Variants in ENPP2 observed in about 807,000 individuals in gnomAD.
The protein encoded by ENPP2 is ectonucleotide pyrophosphatase/phosphodiesterase 2, also known as autotaxin.
In ENPP2, 51 loss-of-function variants were observed where a neutral mutation model predicts 120.2. The ratio of observed to expected loss-of-function variants is 0.42; its 90% CI spans 0.34 to 0.54. The LOEUF is 0.54. Ranked by LOEUF, ENPP2 falls within the 20% of genes least tolerant of loss-of-function variation. ENPP2 has a pLI of 0.04. For synonymous variants in ENPP2, 365 were observed against 366.4 expected (o/e 1.00, Z 0.04); for missense variants, 920 against 1,066.5 (o/e 0.86, Z 1.91).
chr8:119,669,978 C>G lies in ENPP2; in HGVS notation c.21+3274G>C, dbSNP rs139060920. Among the ~76,000 whole-genome samples, 342 of 152,330 alleles carry G rather than the reference C, an allele frequency of 2.2e-3. 1 individual carries two copies. Among genetic ancestry groups the G allele is most frequent in the Non-Finnish European group, 3.9e-3 (265 of 68,022 alleles). ...AGTTTTTAGAGGGCTTGCTTGCCCA[C>G]TGGCCCATTCTGAGGTTCTGGATGC... On this transcript the variant is annotated intron_variant, in intron 1 of 25. Coordinates refer to the ENPP2 transcript ENST00000427067.
At chr8:119,590,192 A>G (rs192976587) in intron 13 of ENPP2, among the ~76,000 whole-genome samples, 2 of 152,334 alleles carry the variant, frequency 1.3e-5, no homozygotes, top group East Asian at 3.9e-4. Flanking sequence ...GGTCATGAAT[A>G]TGCTTCAAAC....
chr8:119,669,620 A>G (rs576756794), intron 1 of ENPP2, among the ~76,000 whole-genome samples: 1 of 152,314 alleles, frequency 6.6e-6, no homozygotes, highest in Admixed American at 6.5e-5. Context: ...GAATTAATTA[A>G]TTCCTTTGAT....
intron 2 of ENPP2, among the ~76,000 whole-genome samples, chr8:119,635,613 T>C (rs545847806): frequency 1.5e-4 from 23 of 152,204 alleles, no homozygotes; most frequent in Non-Finnish European, 2.9e-4. Context: ...TAAATCACAG[T>C]TATGGCTTAT....
At chr8:119,621,855 A>C (rs1815922372) in intron 3 of ENPP2, among the ~76,000 whole-genome samples, 1 of 152,190 alleles carries the variant, frequency 6.6e-6, no homozygotes, top group Non-Finnish European at 1.5e-5. Flanking sequence ...AGGGCTATCT[A>C]CTGTTGTAGG....
chr8:119,613,233 T>C (rs562956028), intron 8 of ENPP2, among the ~76,000 whole-genome samples: 1 of 152,356 alleles, frequency 6.6e-6, no homozygotes, highest in African/African-American at 2.4e-5. Flanking sequence ...CTTCTAGCAA[T>C]GCATGTTGAG....
rs1815520361 is a variant in ENPP2 at position 119,617,254 on chromosome 8, A to C, written c.578-11T>G. The C allele has an allele frequency of 6.2e-7, 1 of 1,602,860 alleles. No individual in the cohort carries two copies. On this transcript the variant is annotated splice_polypyrimidine_tract_variant and intron_variant, in intron 6 of 24. Transcript: ENST00000075322. The stretch of plus-strand genomic sequence containing the variant: ...GTGTGCCACAAGACCCTGGAAAGAG[A>C]ATTGCAAATATTAGAACAAGAGAAC...
Position 119,590,010 on chromosome 8 carries a change from T to C in ENPP2, c.1207+495A>G, listed in dbSNP as rs532370355. On this transcript the variant is annotated intron_variant, in intron 13 of 24. Transcript: ENST00000075322. Reference sequence around the variant, plus strand: ...CTTAATATCTTTTCCTACTAGGTTCTACCAATCACTTTTACAAAGAGAATG... The same window carrying C: ...CTTAATATCTTTTCCTACTAGGTTCCACCAATCACTTTTACAAAGAGAATG... Among the ~76,000 whole-genome samples the C allele has an allele frequency of 7.9e-5, 12 of 152,294 alleles. No homozygotes were observed. The South Asian group carries it at 2.3e-3, about 29-fold the overall frequency.
At position 119,557,492 on chromosome 8, in the gene ENPP2, A is replaced by G. The variant is rs772674757; in HGVS notation, c.*29T>C. ...CAATATAAAAATATACAACCAGTTGATAAGACTGTACTGCAGATGCTCAGA... is the reference window on the plus strand; with the variant it reads ...CAATATAAAAATATACAACCAGTTGGTAAGACTGTACTGCAGATGCTCAGA... On this transcript the variant is annotated 3_prime_UTR_variant, in exon 25 of 25. Coordinates refer to ENST00000075322, the MANE Select transcript of ENPP2 (RefSeq NM_001040092.3). The G allele has an allele frequency of 6.4e-7, 1 of 1,551,350 alleles. No individual in the cohort carries two copies. Among genetic ancestry groups the G allele is most frequent in the Non-Finnish European group, 8.8e-7 (1 of 1,137,118 alleles).
intron 1 of ENPP2, 30 bp downstream of exon 1, chr8:119,638,718 A>C: frequency 1.5e-6 from 2 of 1,315,596 alleles, no homozygotes; most frequent in Non-Finnish European, 2.2e-6. Flanking sequence ...AAGATCAAGC[A>C]TGTCCCCCGT....
chr8:119,623,478 A>G (rs1396510205), intron 3 of ENPP2, among the ~76,000 whole-genome samples: 2 of 152,144 alleles, frequency 1.3e-5, no homozygotes, highest in African/African-American at 4.8e-5. Context: ...AGATTAAAAA[A>G]GAGAGAGAGA....
In ENPP2 at chr8:119,638,427, G is replaced by T. The variant is rs142159682; in HGVS notation, c.134C>A (p.Thr45Lys). ...ATGCAAATAGTTTTGACACTTACCT[G>T]TAGGAGGACCTTCCTCCCATCCTTC... ...RAEGWEEGPP[T>K]VLSDSPWTNI... is the part of the protein sequence containing the mutation. Residue 45 changes from threonine to lysine, a missense_variant and splice_region_variant, in exon 2 of 25, where the codon ACA becomes AAA. Coordinates refer to ENST00000075322, the MANE Select transcript of ENPP2 (RefSeq NM_001040092.3). 5.2e-6 allele frequency: 8 copies of T among 1,526,042 alleles called. No homozygotes were observed. In the Admixed American group the frequency reaches 6.7e-5, roughly 13 times the overall value. The allele number at this position is 1,526,042 out of a possible 1,614,324, so 94.5% of individuals were successfully genotyped here. A position where few individuals can be genotyped will look rare whatever the true frequency, so the allele number is the denominator to read the frequency against.
chr8:119,610,903 T>TAAAAAA (rs541673414), intron 8 of ENPP2, among the ~76,000 whole-genome samples: 3,879 of 136,332 alleles, frequency 0.028, 177 homozygotes, highest in African/African-American at 0.1. Flanking sequence ...ATTCTGTCTT[T>TAAAAAA]AAAAAAAAAA....
chr8:119,571,941 C>T (rs2130121485), intron 19 of ENPP2: 5 of 407,046 alleles, frequency 1.2e-5, no homozygotes, highest in Non-Finnish European at 2.2e-5. Flanking sequence ...CAAAGCGGCC[C>T]ACACTATTAC....
chr8:119,611,721 C>A (rs891893712), intron 8 of ENPP2, among the ~76,000 whole-genome samples: 7 of 152,188 alleles, frequency 4.6e-5, no homozygotes, highest in East Asian at 3.9e-4. Context: ...CTGTGAATAA[C>A]CAACTTCAAA....
chr8:119,580,257 T>C (rs1563689401), intron 18 of ENPP2, 90 bp from the exon 19 acceptor site: 7 of 1,000,748 alleles, frequency 7.0e-6, no homozygotes, highest in Middle Eastern at 2.1e-4. Flanking sequence ...AGCACCCTGC[T>C]AAATTCAAAA....
chr8:119,601,474 A>T lies in ENPP2; in HGVS notation c.834-12T>A. On this transcript the variant is annotated splice_polypyrimidine_tract_variant and intron_variant, in intron 9 of 24. Transcript: ENST00000075322. ...CGTGAGGGATGACACTGGAGGGTAA[A>T]AGCAAGCAAAGCATGTTGTTAGGTT... is the stretch of plus-strand genomic sequence containing the variant. 6.2e-7 allele frequency: 1 copy of T among 1,608,520 alleles called. No homozygotes were observed. The highest frequency in any genetic ancestry group is 8.5e-7 in the Non-Finnish European group (1 of 1,175,216).
chr8:119,582,699 CTG>C, intron 17 of ENPP2, 97 bp from the exon 18 acceptor site: 1 of 885,984 alleles, frequency 1.1e-6, no homozygotes, highest in Non-Finnish European at 1.8e-6. Context: ...GGTCTGAAAA[CTG>C]TGAACACAAA....
At chr8:119,611,974 A>G (rs990736434) in intron 8 of ENPP2, among the ~76,000 whole-genome samples, 2 of 152,346 alleles carry the variant, frequency 1.3e-5, no homozygotes, top group African/African-American at 2.4e-5. Context: ...GGTTGCTGTG[A>G]GCCGAGACTG....
At chr8:119,562,033 A>G (rs1454063624) in intron 24 of ENPP2, among the ~76,000 whole-genome samples, 2 of 152,070 alleles carry the variant, frequency 1.3e-5, no homozygotes, top group Non-Finnish European at 2.9e-5. Context: ...GCTACTCGGG[A>G]GGCTGAGGCA....
Sources: gnomAD v4.1 joint callset for allele counts (sites outside exome capture counted in the v4.1 genomes callset) on GRCh38, gnomAD v4.1.1 for gene constraint, MANE v1.5 for transcripts, NCBI Gene and HGNC (gene_info 2026-07-23, HGNC 2026-07-21) for gene names.